The following FCHSD2 variants were observed in gnomAD, a reference collection of about 807,000 sequenced individuals.
FCHSD2 encodes the protein FCH and double SH3 domains 2, also known as F-BAR and double SH3 domains protein 2.
In FCHSD2, 38 loss-of-function variants were observed where a neutral mutation model predicts 108.1. That is an observed-to-expected ratio of 0.35 (90% CI 0.27 to 0.46). The LOEUF (loss-of-function observed/expected upper bound fraction) is 0.46, where lower values mean the gene tolerates loss of function less well. Among genes scored for constraint, FCHSD2 ranks in the 20% least tolerant of loss-of-function variants. The pLI, the probability that FCHSD2 is intolerant of heterozygous loss-of-function variation, is 1.00. For synonymous variants in FCHSD2, 279 were observed against 314.7 expected, an observed-to-expected ratio of 0.89 and a Z score of 1.20; for missense variants, 751 against 897.8, an observed-to-expected ratio of 0.84 and a Z score of 2.09.
chr11:72,848,864 C>CTG (rs1861214482), intron 14 of FCHSD2, among the ~76,000 whole-genome samples: 1 of 152,124 alleles, frequency 6.6e-6, no homozygotes, highest in African/African-American at 2.4e-5. Flanking sequence ...TTATAATACC[C>CTG]TGTAATACCT....
At chr11:73,028,849 G>A (rs75706799) in intron 3 of FCHSD2, among the ~76,000 whole-genome samples, 3,283 of 152,124 alleles carry the variant, frequency 0.022, 114 homozygotes, top group African/African-American at 0.076. Context: ...CGTTCTCTCC[G>A]TCTCTCCTGC....
intron 1 of FCHSD2, among the ~76,000 whole-genome samples, chr11:73,141,636 G>A (rs1861250970): frequency 6.6e-6 from 1 of 152,198 alleles, no homozygotes; most frequent in Non-Finnish European, 1.5e-5. Flanking sequence ...ATGTCTGGGG[G>A]TCTCCTGCGT....
chr11:72,843,514 A>G lies in FCHSD2; in HGVS notation c.1462T>C (p.Leu488=). The change falls in exon 15 of 20, where the codon TTG becomes CTG. Residue 488 remains leucine, a synonymous_variant. Coordinates refer to ENST00000409418, the MANE Select transcript of FCHSD2 (RefSeq NM_014824.3). ...YSYKASQPDE[L]TIEEHEVLEV... ...AACACCTCATGTTCCTCAATGGTCA[A>G]CTCATCTGGTTGAGAAGCCTGCAGT... 6.2e-7 allele frequency: 1 copy of G among 1,613,702 alleles called. No individual in the cohort carries two copies. The highest frequency in any genetic ancestry group is 8.5e-7 in the Non-Finnish European group (1 of 1,179,616).
intron 10 of FCHSD2, among the ~76,000 whole-genome samples, chr11:72,893,868 T>G (rs1166995903): frequency 6.6e-6 from 1 of 152,212 alleles, no homozygotes; most frequent in Non-Finnish European, 1.5e-5. Context: ...ATTCCAATAT[T>G]CTTGATATAT....
intron 11 of FCHSD2, among the ~76,000 whole-genome samples, chr11:72,889,620 G>A (rs1225454429): frequency 6.6e-6 from 1 of 152,144 alleles, no homozygotes; most frequent in Non-Finnish European, 1.5e-5. Context: ...GGCTGAAGTG[G>A]GAGAACTGCT....
Position 72,886,384 on chromosome 11 carries a change from T to C in FCHSD2, c.1146+1086A>G, listed in dbSNP as rs150420652. ...CTTTTCTCTGACTAATCAAATACTA[T>C]TCATCTGCCAGCATTCATCTTAAGT... On this transcript the variant is annotated intron_variant, in intron 12 of 19. Transcript: ENST00000409418. 4.9e-3 allele frequency among the ~76,000 whole-genome samples: 744 copies of C among 152,266 alleles called. 4 individuals are homozygous for C. Among genetic ancestry groups the C allele is most frequent in the African/African-American group, 0.017 (722 of 41,534 alleles).
chr11:73,052,934 C>T (rs1329455723), intron 3 of FCHSD2, among the ~76,000 whole-genome samples: 1 of 152,082 alleles, frequency 6.6e-6, no homozygotes, highest in Non-Finnish European at 1.5e-5. Context: ...GCAACCACCG[C>T]CTCCTAGGTT....
intron 3 of FCHSD2, among the ~76,000 whole-genome samples, chr11:73,034,396 A>G: frequency 6.6e-6 from 1 of 152,248 alleles, no homozygotes; most frequent in East Asian, 1.9e-4. Flanking sequence ...ACAAACATGC[A>G]AAAACGTTCC....
intron 2 of FCHSD2, among the ~76,000 whole-genome samples, chr11:73,092,842 G>A (rs1238281161): frequency 1.3e-5 from 2 of 152,120 alleles, no homozygotes; most frequent in African/African-American, 4.8e-5. Context: ...CCCAAAGACA[G>A]GTCTTACCTT....
At chr11:72,956,823 GGAA>G (rs1231633493) in intron 8 of FCHSD2, among the ~76,000 whole-genome samples, 3 of 6,766 alleles carry the variant, frequency 4.4e-4, no homozygotes, top group African/African-American at 9.8e-4. Flanking sequence ...ATTTCATAGT[GGAA>G]AAAAAAAAAA....
chr11:72,984,240 A>C, intron 7 of FCHSD2, 24 bp from the exon 8 acceptor site: 5 of 1,612,728 alleles, frequency 3.1e-6, no homozygotes, highest in Non-Finnish European at 4.2e-6. Flanking sequence ...AAATAAAATA[A>C]TCAGTGCAAA....
chr11:73,060,467 CT>C (rs1332403169), intron 3 of FCHSD2, among the ~76,000 whole-genome samples: 1 of 152,178 alleles, frequency 6.6e-6, no homozygotes, highest in African/African-American at 2.4e-5. Flanking sequence ...TGTGCTCCTT[CT>C]CACAGGCAAT....
intron 2 of FCHSD2, among the ~76,000 whole-genome samples, chr11:73,106,406 C>CA (rs781338343): frequency 0.046 from 2,978 of 64,596 alleles, 64 homozygotes; most frequent in Admixed American, 0.097. Flanking sequence ...ACTCTGTCTC[C>CA]AAAAAAAAAA....
At position 72,984,211 on chromosome 11, in the gene FCHSD2, T is replaced by C. The variant is rs1340645248; in HGVS notation, c.582A>G (p.Lys194=). Residue 194 remains lysine, a synonymous_variant, in exon 8 of 20, where the codon AAA becomes AAG. Coordinates refer to ENST00000409418, the MANE Select transcript of FCHSD2 (RefSeq NM_014824.3). ...ISLQKASVKL[K]ARRSECNSKA... is the part of the protein sequence containing the mutation. ...TGGAATTACACTCAGATCGCCGGGC[T>C]TTTAACTAAAACATAGCAAAATAAA... The C allele has an allele frequency of 1.2e-6, 2 of 1,613,838 alleles. No individual in the cohort carries two copies. The highest frequency in any genetic ancestry group is 8.5e-7 in the Non-Finnish European group (1 of 1,179,728).
rs557858658 is a variant in FCHSD2, at chr11:73,027,565, G to C, written c.166-11680C>G. On this transcript the variant is annotated intron_variant, in intron 3 of 19. Coordinates refer to ENST00000409418, the MANE Select transcript of FCHSD2 (RefSeq NM_014824.3). ...TGAAAAATTTGCAGCCTGACCATGA[G>C]GTAGAAAAGAAAAACCAATTTTCTG... Among the ~76,000 whole-genome samples, 5 of 152,298 alleles carry C rather than the reference G, an allele frequency of 3.3e-5. No individual in the cohort carries two copies. In the East Asian group the frequency reaches 7.7e-4, roughly 23 times the overall value.
At position 73,071,763 on chromosome 11, in the gene FCHSD2, G is replaced by A. The variant is rs569610791; in HGVS notation, c.165+11932C>T. ...TTGAAGGGAGGGAAATGGACAGAGT[G>A]AAACACAGGTTTCTTGTCTTGGTGT... On this transcript the variant is annotated intron_variant, in intron 3 of 19. Coordinates refer to ENST00000409418, the MANE Select transcript of FCHSD2 (RefSeq NM_014824.3). 2.0e-5 allele frequency among the ~76,000 whole-genome samples: 3 copies of A among 152,148 alleles called. No individual in the cohort carries two copies. The East Asian group carries it at 5.8e-4, about 29-fold the overall frequency.
chr11:72,941,846 A>G (rs926229677), intron 8 of FCHSD2, among the ~76,000 whole-genome samples: 3 of 152,214 alleles, frequency 2.0e-5, no homozygotes, highest in Non-Finnish European at 4.4e-5. Context: ...TCAAAAAAAG[A>G]TATCTTAAGG....
intron 4 of FCHSD2, among the ~76,000 whole-genome samples, chr11:73,013,187 A>C (rs1001372853): frequency 6.6e-6 from 1 of 152,158 alleles, no homozygotes; most frequent in African/African-American, 2.4e-5. Flanking sequence ...CCACCACTCC[A>C]GTTAACCTCT....
At chr11:72,999,128 A>G (rs754825714) in intron 5 of FCHSD2, among the ~76,000 whole-genome samples, 3 of 152,142 alleles carry the variant, frequency 2.0e-5, no homozygotes, top group African/African-American at 4.8e-5. Flanking sequence ...ACAAGCAGAT[A>G]CATTCCCTTC....
Sources: allele counts gnomAD v4.1 joint callset (sites outside exome capture counted in the v4.1 genomes callset), GRCh38; gene constraint gnomAD v4.1.1; transcripts MANE v1.5; gene names NCBI Gene and HGNC (gene_info 2026-07-23, HGNC 2026-07-21).